PPM1L: variants seen among roughly 807,000 people sequenced by gnomAD.
The protein encoded by PPM1L is protein phosphatase 1L.
Under a neutral mutation model 31.4 loss-of-function variants are expected in PPM1L, and 13 were observed. That is an observed-to-expected ratio of 0.41 (90% CI 0.27 to 0.66). The LOEUF is 0.66. Ranked by LOEUF, PPM1L falls within the 30% of genes least tolerant of loss-of-function variation. PPM1L has a pLI of 0.29. For missense variants in PPM1L, 326 were observed against 453.7 expected (o/e 0.72, Z 2.56); for synonymous variants, 184 against 175.4 (o/e 1.05, Z -0.39).
intron 1 of PPM1L, among the ~76,000 whole-genome samples, chr3:160,959,907 A>G (rs911429044): frequency 6.6e-6 from 1 of 152,186 alleles, no homozygotes; most frequent in African/African-American, 2.4e-5. Flanking sequence ...TCCTATGCCT[A>G]TATGATAATG....
At chr3:161,002,726 T>C (rs1717541872) in intron 2 of PPM1L, among the ~76,000 whole-genome samples, 2 of 144,144 alleles carry the variant, frequency 1.4e-5, no homozygotes, top group African/African-American at 2.7e-5. Context: ...TCATTGTAGA[T>C]TCTGGATATT....
At chr3:160,990,216 G>C (rs1384723294) in intron 2 of PPM1L, among the ~76,000 whole-genome samples, 1 of 151,126 alleles carries the variant, frequency 6.6e-6, no homozygotes, top group African/African-American at 2.4e-5. Flanking sequence ...TGCCCAGGCT[G>C]GTCTCAAACT....
At chr3:160,879,088 AAG>A (rs2108036109) in intron 1 of PPM1L, among the ~76,000 whole-genome samples, 1 of 152,314 alleles carries the variant, frequency 6.6e-6, no homozygotes, top group East Asian at 1.9e-4. Flanking sequence ...GTAGCAAAGA[AAG>A]AGAAGGCAAA....
chr3:161,003,296 G>A (rs1371419965), intron 2 of PPM1L, among the ~76,000 whole-genome samples: 2 of 148,974 alleles, frequency 1.3e-5, no homozygotes, highest in Admixed American at 6.7e-5. Context: ...TTGTTCTTTT[G>A]GCTTAGGATT....
intron 2 of PPM1L, among the ~76,000 whole-genome samples, chr3:161,045,746 G>A (rs987342496): frequency 6.6e-5 from 10 of 152,106 alleles, no homozygotes; most frequent in African/African-American, 1.9e-4. Context: ...TCAAAAGCTA[G>A]CAGAAGGCAA....
chr3:160,891,231 CAG>C lies in PPM1L; in HGVS notation c.400-70502_400-70501del, dbSNP rs546753235. On this transcript the variant is annotated intron_variant, in intron 1 of 3. Coordinates refer to ENST00000498165, the MANE Select transcript of PPM1L (RefSeq NM_139245.4). ...AAATGTTTGCCATCTACCCATCTGA[CAG>C]AGGTCTAATATCCAAAATTTACAAG... Among the ~76,000 whole-genome samples, 8 of 152,032 alleles carry C rather than the reference CAG, an allele frequency of 5.3e-5. No homozygotes were observed. The South Asian group carries it at 1.7e-3, about 32-fold the overall frequency.
At chr3:160,878,448 T>C (rs11922296) in intron 1 of PPM1L, among the ~76,000 whole-genome samples, 113,929 of 152,104 alleles carry the variant, frequency 0.75, 43,055 homozygotes, top group Middle Eastern at 0.83. Flanking sequence ...CGGATGGTTG[T>C]TTTATGGCTG....
At chr3:161,010,558 A>C (rs367976297) in intron 2 of PPM1L, among the ~76,000 whole-genome samples, 46 of 152,260 alleles carry the variant, frequency 3.0e-4, no homozygotes, top group East Asian at 1.2e-3. Context: ...ATGGCTGGGT[A>C]AAATGGTATT....
chr3:160,921,839 A>G (rs1714416335), intron 1 of PPM1L, among the ~76,000 whole-genome samples: 1 of 150,188 alleles, frequency 6.7e-6, no homozygotes, highest in Non-Finnish European at 1.5e-5. Context: ...TTAAAAATTC[A>G]GTTAACTAAG....
chr3:160,771,883 T>C (rs1715266166), intron 1 of PPM1L, among the ~76,000 whole-genome samples: 1 of 151,936 alleles, frequency 6.6e-6, no homozygotes. Context: ...TTTTTTCTTA[T>C]CTATGGCTTG....
At chr3:160,948,477 G>A (rs1311350121) in intron 1 of PPM1L, among the ~76,000 whole-genome samples, 2 of 152,136 alleles carry the variant, frequency 1.3e-5, no homozygotes, top group African/African-American at 4.8e-5. Flanking sequence ...TCAGGTCAGT[G>A]TTCTTACCAT....
At chr3:160,882,479 A>G (rs1283805381) in intron 1 of PPM1L, among the ~76,000 whole-genome samples, 2 of 152,240 alleles carry the variant, frequency 1.3e-5, no homozygotes, top group African/African-American at 4.8e-5. Flanking sequence ...TTAGTTTTTG[A>G]GTAGGTTCTA....
chr3:160,958,572 G>A (rs1044416022), intron 1 of PPM1L, among the ~76,000 whole-genome samples: 1 of 152,118 alleles, frequency 6.6e-6, no homozygotes, highest in Non-Finnish European at 1.5e-5. Context: ...ATTTTCCAGT[G>A]TCAGGGAAAA....
At chr3:160,966,177 C>G (rs114108506) in intron 2 of PPM1L, among the ~76,000 whole-genome samples, 1 of 152,006 alleles carries the variant, frequency 6.6e-6, no homozygotes, top group Admixed American at 6.6e-5. Flanking sequence ...TCAGTTCTCA[C>G]CTAGAATCTA....
At chr3:160,920,959 A>G (rs1430681784) in intron 1 of PPM1L, among the ~76,000 whole-genome samples, 5 of 151,996 alleles carry the variant, frequency 3.3e-5, no homozygotes, top group African/African-American at 1.2e-4. Flanking sequence ...ATTTTCTTAC[A>G]TTTTTATTCA....
intron 1 of PPM1L, among the ~76,000 whole-genome samples, chr3:160,955,063 T>A (rs906419965): frequency 3.3e-5 from 5 of 151,390 alleles, no homozygotes; most frequent in Non-Finnish European, 5.9e-5. Context: ...CAGGCTGGAG[T>A]GCAATGGTGC....
At chr3:160,770,045 A>G (rs1364295353) in intron 1 of PPM1L, among the ~76,000 whole-genome samples, 1 of 152,126 alleles carries the variant, frequency 6.6e-6, no homozygotes, top group Non-Finnish European at 1.5e-5. Flanking sequence ...CCATCTTTTC[A>G]TTATGTTTTC....
intron 2 of PPM1L, among the ~76,000 whole-genome samples, chr3:160,987,208 G>C (rs1467005568): frequency 1.3e-5 from 2 of 152,150 alleles, no homozygotes; most frequent in Non-Finnish European, 2.9e-5. Flanking sequence ...CAAGTGGGAA[G>C]GGTTGTCAAT....
chr3:160,968,115 A>T (rs1389632778), intron 2 of PPM1L, among the ~76,000 whole-genome samples: 1 of 152,006 alleles, frequency 6.6e-6, no homozygotes, highest in Non-Finnish European at 1.5e-5. Context: ...GCATATTTTT[A>T]TTGGTGGGAT....
Sources: allele counts gnomAD v4.1 joint callset (sites outside exome capture counted in the v4.1 genomes callset), GRCh38; gene constraint gnomAD v4.1.1; transcripts MANE v1.5; gene names NCBI Gene and HGNC (gene_info 2026-07-23, HGNC 2026-07-21).